KCNQ1: variants seen among roughly 807,000 people sequenced by gnomAD.
KCNQ1 encodes the protein potassium voltage-gated channel subfamily Q member 1, also known as potassium voltage-gated channel subfamily KQT member 1.
A neutral mutation model predicts 72.4 loss-of-function variants in KCNQ1; 49 were observed. The observed-to-expected ratio is 0.68, with a 90% CI of 0.54 to 0.86. The LOEUF is 0.86. Among genes scored for constraint, KCNQ1 ranks in the 40% least tolerant of loss-of-function variants. KCNQ1 has a pLI of 0.00. For synonymous variants in KCNQ1, 450 were observed against 412.6 expected (o/e 1.09, Z -1.10); for missense variants, 790 against 945.1 (o/e 0.84, Z 2.15).
rs1464539876 is a variant in KCNQ1, at chr11:2,687,046, T to TG, written c.1514+24970dup. The TG allele has an allele frequency of 1.0e-5, 4 of 398,534 alleles. No homozygotes were observed. Among genetic ancestry groups the TG allele is most frequent in the African/African-American group, 8.2e-5 (4 of 48,632 alleles). 24.7% of individuals were successfully genotyped at this position (398,534 alleles called of 1,614,324 possible). On this transcript the variant is annotated intron_variant, in intron 11 of 15. Coordinates refer to ENST00000155840, the MANE Select transcript of KCNQ1 (RefSeq NM_000218.3). This position sits in a 1 kb window ranked among gnomAD's most constrained non-coding sequence, Gnocchi z 5.0. ...GGCTAAAACTCAGCAGTCCCAGCTC[T>TG]GGGGGACAAGGACCCACAAAGTGAT...
chr11:2,610,448 C>T (rs1848961610), intron 10 of KCNQ1: 1 of 398,156 alleles, frequency 2.5e-6, no homozygotes, highest in Non-Finnish European at 4.4e-6. Flanking sequence ...ATATTTGATC[C>T]ACTTTTTTGG....
chr11:2,573,249 T>A (rs1848369072), intron 6 of KCNQ1, among the ~76,000 whole-genome samples: 1 of 152,076 alleles, frequency 6.6e-6, no homozygotes, highest in African/African-American at 2.4e-5. Flanking sequence ...ATCGGAGGGG[T>A]CACTGGAGCG....
In KCNQ1 at chr11:2,679,547, A is replaced by G. The variant is rs1850351787; in HGVS notation, c.1514+17466A>G. 2.5e-6 allele frequency: 1 copy of G among 398,644 alleles called. No individual in the cohort carries two copies. The highest frequency in any genetic ancestry group is 4.4e-6 in the Non-Finnish European group (1 of 226,070). 24.7% of individuals were successfully genotyped at this position (398,644 alleles called of 1,614,324 possible). On this transcript the variant is annotated intron_variant, in intron 11 of 15. Coordinates refer to ENST00000155840, the MANE Select transcript of KCNQ1 (RefSeq NM_000218.3). This position sits in a 1 kb window ranked among gnomAD's most constrained non-coding sequence, Gnocchi z 4.8. ...ATACCTCATGATGGCCATTCCATCC[A>G]TTGTAATCATGTGTACCATGCAATT...
chr11:2,571,612 C>T lies in KCNQ1; in HGVS notation c.683+209C>T, dbSNP rs184650208. 1.8e-3 allele frequency among the ~76,000 whole-genome samples: 268 copies of T among 152,288 alleles called. 2 individuals carry two copies. Among genetic ancestry groups the T allele is most frequent in the African/African-American group, 6.3e-3 (262 of 41,584 alleles). ...GAGGGCACGGCTCAACCCAAGATGCCTCAGGCAGCCCTAGGCTCTGGCCCA... is the reference window on the plus strand; with the variant it reads ...GAGGGCACGGCTCAACCCAAGATGCTTCAGGCAGCCCTAGGCTCTGGCCCA... On this transcript the variant is annotated intron_variant, in intron 4 of 15. Coordinates refer to ENST00000155840, the MANE Select transcript of KCNQ1 (RefSeq NM_000218.3).
chr11:2,690,560 G>A lies in KCNQ1; in HGVS notation c.1514+28479G>A. On this transcript the variant is annotated intron_variant, in intron 11 of 15. Transcript: ENST00000155840. The surrounding 1 kb of genome is among the most constrained non-coding windows in gnomAD (Gnocchi z 5.1). Reference sequence around the variant, plus strand: ...CCTAGGGAAGGACAAGAAGTAACATGTCAAAGATGGGACAGAACCCACCTC... The same window carrying A: ...CCTAGGGAAGGACAAGAAGTAACATATCAAAGATGGGACAGAACCCACCTC... 2.5e-6 allele frequency: 1 copy of A among 398,684 alleles called. No homozygotes were observed. The allele number at this position is 398,684 out of a possible 1,614,324, so 24.7% of individuals were successfully genotyped here.
intron 11 of KCNQ1, chr11:2,696,749 A>C (rs1850683108): frequency 2.5e-6 from 1 of 398,274 alleles, no homozygotes; most frequent in African/African-American, 2.1e-5. Flanking sequence ...GAGTTTTAAA[A>C]TTTTTTCCAT....
rs1291880351 is a variant in KCNQ1, at chr11:2,600,004, T to G, written c.1393+11150T>G. 6.6e-6 allele frequency among the ~76,000 whole-genome samples: 1 copy of G among 152,236 alleles called. No homozygotes were observed. The highest frequency in any genetic ancestry group is 1.5e-5 in the Non-Finnish European group (1 of 68,040). The stretch of plus-strand genomic sequence containing the variant: ...GCCAGGTTGTTTTTCTCGTTTTGTC[T>G]GACCTTGAATTCCACAGGCAGGGTT... On this transcript the variant is annotated intron_variant, in intron 10 of 15. Coordinates refer to ENST00000155840, the MANE Select transcript of KCNQ1 (RefSeq NM_000218.3). The surrounding 1 kb of genome is among the most constrained non-coding windows in gnomAD (Gnocchi z 5.6).
rs11823249 is a variant in KCNQ1 at position 2,704,043 on chromosome 11, C to G, written c.1514+41962C>G. 0.011 allele frequency among the ~76,000 whole-genome samples: 1,647 copies of G among 152,356 alleles called. 29 individuals carry two copies. Among genetic ancestry groups the G allele is most frequent in the African/African-American group, 0.037 (1,539 of 41,572 alleles). ...CTGATGCATTGCCAGGAAGCCTGCT[C>G]TTAAGGTCAGCCCTTGCAGTTGGCA... On this transcript the variant is annotated intron_variant, in intron 11 of 15. Coordinates refer to ENST00000155840, the MANE Select transcript of KCNQ1 (RefSeq NM_000218.3). The surrounding 1 kb of genome is among the most constrained non-coding windows in gnomAD (Gnocchi z 4.3).
chr11:2,739,435 G>T (rs370984178), intron 11 of KCNQ1, among the ~76,000 whole-genome samples: 10 of 152,196 alleles, frequency 6.6e-5, no homozygotes, highest in African/African-American at 4.8e-5. Context: ...TCAAAGGTCC[G>T]CTACATATTC....
chr11:2,747,823 C>T (rs1846163926), intron 11 of KCNQ1, among the ~76,000 whole-genome samples: 1 of 152,006 alleles, frequency 6.6e-6, no homozygotes, highest in Non-Finnish European at 1.5e-5. Flanking sequence ...AAGAGGCACG[C>T]AGGGTGAGGC....
In KCNQ1 at chr11:2,446,173, G is replaced by A. The variant is rs1846034154; in HGVS notation, c.386+689G>A. ...GAGGCACCTGGCCCCCCTGTTACCA[G>A]GTGGTTCCAATTCCCGGTACAGCGT... On this transcript the variant is annotated intron_variant, in intron 1 of 15. Coordinates refer to ENST00000155840, the MANE Select transcript of KCNQ1 (RefSeq NM_000218.3). This position sits in a 1 kb window ranked among gnomAD's most constrained non-coding sequence, Gnocchi z 8.8. Among the ~76,000 whole-genome samples the A allele has an allele frequency of 6.6e-6, 1 of 152,220 alleles. No individual in the cohort carries two copies. The highest frequency in any genetic ancestry group is 2.4e-5 in the African/African-American group (1 of 41,462).
At chr11:2,604,090 A>T (rs1336562379) in intron 10 of KCNQ1, among the ~76,000 whole-genome samples, 6 of 152,154 alleles carry the variant, frequency 3.9e-5, no homozygotes, top group Non-Finnish European at 8.8e-5. Flanking sequence ...AGCATTTTAG[A>T]TTGTTTCCAC....
At position 2,496,495 on chromosome 11, in the gene KCNQ1, C is replaced by CTTTTTT; in HGVS notation, c.387-31413_387-31408dup. On this transcript the variant is annotated intron_variant, in intron 1 of 15. Transcript: ENST00000155840. Reference sequence around the variant, plus strand: ...AAAATGGCTAGGATCACAACCCCTGCTTTTTTTTTTTTTTTTTTTTTTTTT... The same window carrying CTTTTTT: ...AAAATGGCTAGGATCACAACCCCTGCTTTTTTTTTTTTTTTTTTTTTTTTTTTTTTT... Among the ~76,000 whole-genome samples the CTTTTTT allele has an allele frequency of 3.3e-3, 98 of 29,814 alleles. 8 individuals are homozygous for CTTTTTT. Among genetic ancestry groups the CTTTTTT allele is most frequent in the African/African-American group, 8.2e-3 (76 of 9,260 alleles). 19.6% of individuals were successfully genotyped at this position (29,814 alleles called of 152,430 possible). A position where few individuals can be genotyped will look rare whatever the true frequency, so the allele number is the denominator to read the frequency against.
chr11:2,528,509 G>GAGAGC (rs1032636615), intron 2 of KCNQ1, among the ~76,000 whole-genome samples: 13 of 152,214 alleles, frequency 8.5e-5, no homozygotes, highest in Non-Finnish European at 1.9e-4. Flanking sequence ...GGCAGGTGCT[G>GAGAGC]AGAGCAGGGC....
At chr11:2,737,287 G>A (rs746630460) in intron 11 of KCNQ1, among the ~76,000 whole-genome samples, 5 of 152,130 alleles carry the variant, frequency 3.3e-5, no homozygotes, top group East Asian at 1.9e-4. Flanking sequence ...GGAGAGCCCC[G>A]GGCAGCTGCT....
rs1043601328 is a variant in KCNQ1 at position 2,473,934 on chromosome 11, G to A, written c.386+28450G>A. On this transcript the variant is annotated intron_variant, in intron 1 of 15. Transcript: ENST00000155840. The surrounding 1 kb of genome is among the most constrained non-coding windows in gnomAD (Gnocchi z 6.0). ...ACGGACATCCTCCTTCACCAAATCC[G>A]CAAAATAGGCCTGATGCCAGGAACG... 1.4e-4 allele frequency among the ~76,000 whole-genome samples: 21 copies of A among 152,218 alleles called. No individual in the cohort carries two copies. Among genetic ancestry groups the A allele is most frequent in the African/African-American group, 4.8e-4 (20 of 41,462 alleles).
Position 2,652,278 on chromosome 11 carries a change from G to A in KCNQ1, c.1394-9683G>A. 1 of 398,662 alleles carries A rather than the reference G, an allele frequency of 2.5e-6. No homozygotes were observed. Among genetic ancestry groups the A allele is most frequent in the Non-Finnish European group, 4.4e-6 (1 of 226,076 alleles). The allele number at this position is 398,662 out of a possible 1,614,324, so 24.7% of individuals were successfully genotyped here. A position where few individuals can be genotyped will look rare whatever the true frequency, so the allele number is the denominator to read the frequency against. The stretch of plus-strand genomic sequence containing the variant: ...AAACATTCTGAGAACATCTGCACCG[G>A]TTTCCAAGGCTTCTCCCTCACTAAT... On this transcript the variant is annotated intron_variant, in intron 10 of 15. Transcript: ENST00000155840. This position sits in a 1 kb window ranked among gnomAD's most constrained non-coding sequence, Gnocchi z 5.9.
chr11:2,560,484 G>A (rs1249124007), intron 2 of KCNQ1, among the ~76,000 whole-genome samples: 1 of 113,244 alleles, frequency 8.8e-6, no homozygotes, highest in Non-Finnish European at 1.8e-5. Flanking sequence ...CCATCCTGGG[G>A]GCGGGTGATG....
rs567727087 is a variant in KCNQ1 at position 2,711,535 on chromosome 11, G to A, written c.1514+49454G>A. ...TGGAATCTTCTCAACCTTGGGTGTCGCCTGCCCAGAACGGGGCTCTCGGAG... is the reference window on the plus strand; with the variant it reads ...TGGAATCTTCTCAACCTTGGGTGTCACCTGCCCAGAACGGGGCTCTCGGAG... On this transcript the variant is annotated intron_variant, in intron 11 of 15. Transcript: ENST00000155840. The surrounding 1 kb of genome is among the most constrained non-coding windows in gnomAD (Gnocchi z 5.4). Among the ~76,000 whole-genome samples the A allele has an allele frequency of 2.0e-4, 31 of 152,170 alleles. No individual in the cohort carries two copies. In the South Asian group the frequency reaches 2.5e-3, roughly 12 times the overall value.
Sources: allele counts gnomAD v4.1 joint callset (sites outside exome capture counted in the v4.1 genomes callset), GRCh38; gene constraint gnomAD v4.1.1; non-coding constraint Gnocchi (gnomAD v3.1); transcripts MANE v1.5; gene names NCBI Gene and HGNC (gene_info 2026-07-23, HGNC 2026-07-21).